The following EIF4G1 variants were observed in gnomAD, a reference collection of about 807,000 sequenced individuals.
EIF4G1 encodes the protein eukaryotic translation initiation factor 4 gamma 1.
A neutral mutation model predicts 187.8 loss-of-function variants in EIF4G1; 4 were observed. The observed-to-expected ratio is 0.02, with a 90% CI of 0.01 to 0.05. The LOEUF (loss-of-function observed/expected upper bound fraction) is 0.05, where lower values mean the gene tolerates loss of function less well. Among genes scored for constraint, EIF4G1 ranks in the 10% least tolerant of loss-of-function variants. The pLI is 1.00. For missense variants in EIF4G1, 1,647 were observed against 2,081.1 expected, an observed-to-expected ratio of 0.79 and a Z score of 4.06; for synonymous variants, 844 against 781.4, an observed-to-expected ratio of 1.08 and a Z score of -1.34.
At position 184,327,979 on chromosome 3, in the gene EIF4G1, G is replaced by C. The variant is rs1461287465; in HGVS notation, c.3930G>C (p.Leu1310=). The C allele has an allele frequency of 1.2e-6, 2 of 1,607,608 alleles. No individual in the cohort carries two copies. The highest frequency in any genetic ancestry group is 1.1e-5 in the South Asian group (1 of 91,090). The change falls in exon 26 of 33, where the codon CTG becomes CTC. Residue 1310 remains leucine (L), a synonymous_variant. Coordinates refer to ENST00000346169, the MANE Select transcript of EIF4G1 (RefSeq NM_198241.3). ...ACCAGCTGCTCTGTGCTGGGCATCT[G>C]TCTACTGCTCAGTACTACCAAGGGT... ...LLHQLLCAGH[L]STAQYYQGLY...
chr3:184,325,456 G>A lies in EIF4G1; in HGVS notation c.2962-24G>A, dbSNP rs373784224. On this transcript the variant is annotated intron_variant, in intron 19 of 32. Transcript: ENST00000346169. The surrounding 1 kb of genome is among the most constrained non-coding windows in gnomAD (Gnocchi z 5.2). ...TTGTCTTGCCTTCCCTGACATCATC[G>A]TGACTGGCCCTCTGTCTCCACAGAG... 1.7e-5 allele frequency: 28 copies of A among 1,613,952 alleles called. No individual in the cohort carries two copies. In the African/African-American group the frequency reaches 2.4e-4, roughly 14 times the overall value.
intron 1 of EIF4G1, 108 bp from the exon 2 acceptor site, chr3:184,315,381 G>C (rs923371238): frequency 3.8e-6 from 2 of 525,684 alleles, no homozygotes; most frequent in South Asian, 1.4e-5. Flanking sequence ...GAAGCAGCTA[G>C]CTCCGTTCGT....
rs775982504 is a variant in EIF4G1 at position 184,319,449 on chromosome 3, GTGTGTGTGTGTGTGTGTT to G, written c.425-221_425-204del. Among the ~76,000 whole-genome samples the G allele has an allele frequency of 0.075, 6,282 of 83,906 alleles. 257 individuals are homozygous for G. Among genetic ancestry groups the G allele is most frequent in the African/African-American group, 0.24 (3,839 of 16,076 alleles). 55.0% of individuals were successfully genotyped at this position (83,906 alleles called of 152,430 possible). On this transcript the variant is annotated intron_variant, in intron 6 of 32. Coordinates refer to ENST00000346169, the MANE Select transcript of EIF4G1 (RefSeq NM_198241.3). ...GGGGTGTGTGTGTGTGTGTGTGTGT[GTGTGTGTGTGTGTGTGTT>G]TGTGTGTGTGTGTGTGTTAGGAATT...
At chr3:184,332,945 T>C (rs1227039462) in intron 32 of EIF4G1, among the ~76,000 whole-genome samples, 1 of 152,110 alleles carries the variant, frequency 6.6e-6, no homozygotes, top group East Asian at 1.9e-4. Context: ...CTTTGTGGGA[T>C]TTTAAGCAAG....
chr3:184,316,334 T>C, intron 4 of EIF4G1, 116 bp downstream of exon 4: 2 of 1,341,604 alleles, frequency 1.5e-6, no homozygotes, highest in East Asian at 2.5e-5. Flanking sequence ...ATCCTCTGTG[T>C]TCTTTCATGC....
At chr3:184,324,166 C>A (rs1419496793) in intron 16 of EIF4G1, 35 bp from the exon 17 acceptor site, 1 of 1,614,186 alleles carries the variant, frequency 6.2e-7, no homozygotes, top group Admixed American at 1.7e-5. Flanking sequence ...CTGCCCAGGA[C>A]TAGTCTTGAG....
rs867124532 is a variant in EIF4G1 at position 184,324,887 on chromosome 3, C to A, written c.2629C>A (p.Arg877=). The change falls in exon 18 of 33, where the codon CGA becomes AGA. Residue 877 remains arginine (R), a synonymous_variant. Transcript: ENST00000346169. ...EMDEAATAEE[R]GRLKEELEEA... ...GTCCTGTGAATGGCAGGCAGAGGAACGAGGACGCCTGAAGGAAGAGCTGGA... is the reference window on the plus strand; with the variant it reads ...GTCCTGTGAATGGCAGGCAGAGGAAAGAGGACGCCTGAAGGAAGAGCTGGA... 6.2e-7 allele frequency: 1 copy of A among 1,613,624 alleles called. No individual in the cohort carries two copies. Among genetic ancestry groups the A allele is most frequent in the South Asian group, 1.1e-5 (1 of 91,082 alleles).
rs1406080017 is a variant in EIF4G1, at chr3:184,321,263, C to T, written c.698-19C>T. On this transcript the variant is annotated intron_variant, in intron 9 of 32. Coordinates refer to ENST00000346169, the MANE Select transcript of EIF4G1 (RefSeq NM_198241.3). ...AAGCACTTGCCTTTAGTTGCTCATTCTTCCTTCCTATGGTGCAGATGACCG... is the reference window on the plus strand; with the variant it reads ...AAGCACTTGCCTTTAGTTGCTCATTTTTCCTTCCTATGGTGCAGATGACCG... The T allele has an allele frequency of 6.2e-7, 1 of 1,614,064 alleles. No individual in the cohort carries two copies. The highest frequency in any genetic ancestry group is 1.1e-5 in the South Asian group (1 of 91,076).
At chr3:184,330,471 C>A (rs1166279370) in intron 28 of EIF4G1, among the ~76,000 whole-genome samples, 1 of 152,184 alleles carries the variant, frequency 6.6e-6, no homozygotes, top group African/African-American at 2.4e-5. Context: ...CTGCAATAAT[C>A]TTGCTAAGAG....
rs984685906 is a variant in EIF4G1, at chr3:184,325,448, A to C, written c.2962-32A>C. 3.7e-6 allele frequency: 6 copies of C among 1,614,140 alleles called. No individual in the cohort carries two copies. The South Asian group carries it at 6.6e-5, about 18-fold the overall frequency. Reference sequence around the variant, plus strand: ...ACACTGCCTTGTCTTGCCTTCCCTGACATCATCGTGACTGGCCCTCTGTCT... The same window carrying C: ...ACACTGCCTTGTCTTGCCTTCCCTGCCATCATCGTGACTGGCCCTCTGTCT... On this transcript the variant is annotated intron_variant, in intron 19 of 32. Transcript: ENST00000346169. The surrounding 1 kb of genome is among the most constrained non-coding windows in gnomAD (Gnocchi z 5.2).
Position 184,331,333 on chromosome 3 carries a change from G to C in EIF4G1, c.4229G>C (p.Gly1410Ala), listed in dbSNP as rs370451493. The C allele has an allele frequency of 1.9e-6, 3 of 1,614,102 alleles. No individual in the cohort carries two copies. Among genetic ancestry groups the C allele is most frequent in the Non-Finnish European group, 2.5e-6 (3 of 1,180,042 alleles). ...GLSWKEFLPE[G>A]QDIGAFVAEQ... ...AGCTGGAAGGAATTTCTACCTGAAG[G>C]CCAGGACATTGGTGCATTCGTCGCT... The change falls in exon 29 of 33, where the codon GGC (glycine) becomes GCC (alanine). Residue 1410 changes from glycine (G) to alanine (A), a missense_variant. Gly to Ala is a moderately conservative substitution (Grantham distance 60). Transcript: ENST00000346169.
intron 4 of EIF4G1, among the ~76,000 whole-genome samples, chr3:184,317,001 C>T (rs1021439225): frequency 6.6e-6 from 1 of 151,964 alleles, no homozygotes; most frequent in Admixed American, 6.6e-5. Context: ...CCCGAAAGGG[C>T]CTTACTTAGG....
chr3:184,328,277 A>G (rs1577240979), intron 26 of EIF4G1: 2 of 489,230 alleles, frequency 4.1e-6, no homozygotes, highest in Non-Finnish European at 7.4e-6. Context: ...CAGTAATCCC[A>G]GCTACTCGGA....
chr3:184,317,410 T>C lies in EIF4G1; in HGVS notation c.237T>C (p.His79=). 6.2e-7 allele frequency: 1 copy of C among 1,614,090 alleles called. No homozygotes were observed. Residue 79 remains histidine, a synonymous_variant, in exon 5 of 33, where the codon CAT becomes CAC. Coordinates refer to ENST00000346169, the MANE Select transcript of EIF4G1 (RefSeq NM_198241.3). The stretch of plus-strand genomic sequence containing the variant: ...CTGCCCGCCCTGGCCCAGCTGCCCA[T>C]GTCTACCCTGCTGGATCCCAAGTAA... The part of the protein sequence containing the change: ...AAPARPGPAA[H]VYPAGSQVMM...
In EIF4G1 at chr3:184,322,426, A is replaced by C. The variant is rs1724068357; in HGVS notation, c.1584A>C (p.Gly528=). 6.2e-7 allele frequency: 1 copy of C among 1,614,204 alleles called. No individual in the cohort carries two copies. Among genetic ancestry groups the C allele is most frequent in the East Asian group, 2.2e-5 (1 of 44,878 alleles). ...AGCTAAATAAGAAGGAGGCTGTTGG[A>C]GACCTTCTGGATGCCTTCAAGGAGG... ...IKELNKKEAV[G]DLLDAFKEAN... The change falls in exon 11 of 33, where the codon GGA becomes GGC. Residue 528 remains glycine, a synonymous_variant. Coordinates refer to ENST00000346169, the MANE Select transcript of EIF4G1 (RefSeq NM_198241.3).
At position 184,323,627 on chromosome 3, in the gene EIF4G1, T is replaced by G. The variant is rs1471989641; in HGVS notation, c.2274+34T>G. The G allele has an allele frequency of 3.1e-6, 5 of 1,613,464 alleles. No homozygotes were observed. The highest frequency in any genetic ancestry group is 3.4e-6 in the Non-Finnish European group (4 of 1,179,980). ...AAGTCCTGCTTTTGGTCTCTCTCCA[T>G]TTCTTCTCCAGGTCTGCCATCTGTG... On this transcript the variant is annotated intron_variant, in intron 15 of 32. Coordinates refer to ENST00000346169, the MANE Select transcript of EIF4G1 (RefSeq NM_198241.3). This position sits in a 1 kb window ranked among gnomAD's most constrained non-coding sequence, Gnocchi z 6.9.
rs557330600 is a variant in EIF4G1 at position 184,334,558 on chromosome 3, G to C, written c.4619-169G>C. Among the ~76,000 whole-genome samples, 1 of 152,168 alleles carries C rather than the reference G, an allele frequency of 6.6e-6. No homozygotes were observed. The highest frequency in any genetic ancestry group is 1.5e-5 in the Non-Finnish European group (1 of 68,042). On this transcript the variant is annotated intron_variant, in intron 32 of 32. Transcript: ENST00000346169. This position sits in a 1 kb window ranked among gnomAD's most constrained non-coding sequence, Gnocchi z 5.8. ...GACTCATTGCTGTGCAGCAGTCTCA[G>C]ATCATGAGATTAGCATCCTGTCAGA...
Position 184,321,303 on chromosome 3 carries a change from T to A in EIF4G1, c.719T>A (p.Ile240Asn), listed in dbSNP as rs1560212621. The change falls in exon 10 of 33, where the codon ATC (isoleucine) becomes AAC (asparagine). Residue 240 changes from isoleucine to asparagine, a missense_variant. By Grantham distance (149) the Ile-to-Asn change is moderately radical (BLOSUM62 -3). This residue lies in a region of EIF4G1 where 522 missense variants were observed against 485.2 expected (regional missense o/e 1.08). Transcript: ENST00000346169. ...VRPDDRSQGAIIADRPGLPGP... is the reference protein window; with the variant it reads ...VRPDDRSQGANIADRPGLPGP... ...GCAGATGACCGGTCACAGGGAGCAA[T>A]CATTGCTGACCGGCCAGGGCTGCCT... 1 of 1,614,108 alleles carries A rather than the reference T, an allele frequency of 6.2e-7. No homozygotes were observed.
At chr3:184,315,249 T>C (rs1016879998) in intron 1 of EIF4G1, 1 of 433,424 alleles carries the variant, frequency 2.3e-6, no homozygotes, top group Non-Finnish European at 4.7e-6. Flanking sequence ...CCTACACTCC[T>C]GGGCGGCGGC....
Sources: allele counts gnomAD v4.1 joint callset (sites outside exome capture counted in the v4.1 genomes callset), GRCh38; gene constraint gnomAD v4.1.1; regional missense constraint gnomAD v4.1.1; non-coding constraint Gnocchi (gnomAD v3.1); transcripts MANE v1.5; gene names NCBI Gene and HGNC (gene_info 2026-07-23, HGNC 2026-07-21).